Variants in ATXN10 observed in about 807,000 individuals in gnomAD.
ATXN10 encodes ataxin 10, also known as ataxin-10.
In ATXN10, 28 loss-of-function variants were observed where a neutral mutation model predicts 52.9. The observed-to-expected ratio is 0.53, with a 90% CI of 0.39 to 0.73. The LOEUF is 0.73. Among genes scored for constraint, ATXN10 ranks in the 30% least tolerant of loss-of-function variants. ATXN10 has a pLI of 0.00. For synonymous variants in ATXN10, 226 were observed against 221.5 expected (o/e 1.02, Z -0.18); for missense variants, 565 against 577.0 (o/e 0.98, Z 0.21).
chr22:45,776,608 C>T (rs1349157114), intron 9 of ATXN10, among the ~76,000 whole-genome samples: 9 of 152,042 alleles, frequency 5.9e-5, no homozygotes, highest in Non-Finnish European at 1.5e-5. Context: ...GGTTTGGAAG[C>T]CTGCATGGCT....
At chr22:45,675,177 A>G (rs1041024850) in intron 1 of ATXN10, 1 of 152,214 alleles carries the variant, frequency 6.6e-6, no homozygotes, top group African/African-American at 2.4e-5. Flanking sequence ...CTCCTGTCTT[A>G]TCAGAAACAA....
At chr22:45,723,256 C>T (rs1924732149) in intron 6 of ATXN10, among the ~76,000 whole-genome samples, 1 of 151,000 alleles carries the variant, frequency 6.6e-6, no homozygotes, top group Non-Finnish European at 1.5e-5. Flanking sequence ...ATTTCAGTAG[C>T]TTTTGGGGTA....
At chr22:45,719,677 A>G (rs1186691367) in intron 6 of ATXN10, among the ~76,000 whole-genome samples, 1 of 152,140 alleles carries the variant, frequency 6.6e-6, no homozygotes, top group African/African-American at 2.4e-5. Context: ...TAAATGGTTT[A>G]TTACATAACT....
Position 45,700,313 on chromosome 22 carries a change from C to T in ATXN10, c.423C>T (p.Asn141=). ...GCTGTGGCCTGCAGTTTTTAGGCAA[C>T]ATTGCCTCACGGAATGAAGATTCCC... ...AFRCGLQFLG[N]IASRNEDSQS... is the part of the protein sequence containing the mutation. Residue 141 remains asparagine, a synonymous_variant, in exon 4 of 12, where the codon AAC becomes AAT. Coordinates refer to ENST00000252934, the MANE Select transcript of ATXN10 (RefSeq NM_013236.4). 2 of 1,614,034 alleles carry T rather than the reference C, an allele frequency of 1.2e-6. No homozygotes were observed.
intron 3 of ATXN10, among the ~76,000 whole-genome samples, chr22:45,695,077 T>C (rs1230986467): frequency 6.6e-6 from 1 of 151,168 alleles, no homozygotes; most frequent in Non-Finnish European, 1.5e-5. Flanking sequence ...ACGCCTGTAA[T>C]CCCAGCACTT....
intron 3 of ATXN10, among the ~76,000 whole-genome samples, chr22:45,698,268 A>G (rs1320267827): frequency 6.6e-6 from 1 of 152,152 alleles, no homozygotes; most frequent in Admixed American, 6.5e-5. Context: ...ACACCATACG[A>G]ATGTTCCCAT....
chr22:45,719,051 AT>A (rs752511295), intron 6 of ATXN10, among the ~76,000 whole-genome samples: 1,948 of 138,482 alleles, frequency 0.014, 26 homozygotes, highest in African/African-American at 0.037. Context: ...GTGTGTGTGT[AT>A]TTTTTTTTTT....
rs1455758032 is a variant in ATXN10, at chr22:45,750,020, A to G, written c.1173+9482A>G. Among the ~76,000 whole-genome samples the G allele has an allele frequency of 1.3e-5, 2 of 152,250 alleles. No individual in the cohort carries two copies. Among genetic ancestry groups the G allele is most frequent in the African/African-American group, 4.8e-5 (2 of 41,464 alleles). On this transcript the variant is annotated intron_variant, in intron 9 of 11. Transcript: ENST00000252934. This position sits in a 1 kb window ranked among gnomAD's most constrained non-coding sequence, Gnocchi z 4.2. ...GATGATTCCGCAGTTTGTAAAAGTC[A>G]TGAATCCAGTTTTCCTAACTGCTAC...
In ATXN10 at chr22:45,818,940, GCTT is replaced by G. The variant is rs1201184402; in HGVS notation, c.1237+11922_1237+11924del. On this transcript the variant is annotated intron_variant, in intron 10 of 11. Transcript: ENST00000252934. This position sits in a 1 kb window ranked among gnomAD's most constrained non-coding sequence, Gnocchi z 4.6. Reference sequence around the variant, plus strand: ...CTGACCTTGGTGCACTGTGTCTCTGGCTTCTTTGCATGCCTAAAACTTGCGTAG... The same window carrying G: ...CTGACCTTGGTGCACTGTGTCTCTGGCTTTGCATGCCTAAAACTTGCGTAG... Among the ~76,000 whole-genome samples the G allele has an allele frequency of 3.3e-5, 5 of 152,126 alleles. No homozygotes were observed. The highest frequency in any genetic ancestry group is 1.2e-4 in the African/African-American group (5 of 41,412).
At chr22:45,725,888 G>T (rs1361820028) in intron 6 of ATXN10, among the ~76,000 whole-genome samples, 2 of 151,994 alleles carry the variant, frequency 1.3e-5, no homozygotes, top group Non-Finnish European at 2.9e-5. Flanking sequence ...TTTGTTGAAC[G>T]TTTTTTCTGC....
chr22:45,768,358 T>C (rs1283824252), intron 9 of ATXN10, among the ~76,000 whole-genome samples: 1 of 151,938 alleles, frequency 6.6e-6, no homozygotes, highest in African/African-American at 2.4e-5. Flanking sequence ...TGTTGTCCAT[T>C]GTCCAAAGCA....
intron 7 of ATXN10, among the ~76,000 whole-genome samples, chr22:45,731,584 G>A (rs1601611728): frequency 6.6e-6 from 1 of 152,186 alleles, no homozygotes; most frequent in African/African-American, 2.4e-5. Context: ...TGGCAAATGG[G>A]CAACACTGGA....
Position 45,728,438 on chromosome 22 carries a change from A to G in ATXN10, c.729-987A>G, listed in dbSNP as rs769805227. ...GTCTGTAGGTGATTTTTCCAGACTG[A>G]TGATATTTCCCATCATTTGGCCACA... is the stretch of plus-strand genomic sequence containing the variant. On this transcript the variant is annotated intron_variant, in intron 6 of 11. Coordinates refer to ENST00000252934, the MANE Select transcript of ATXN10 (RefSeq NM_013236.4). This position sits in a 1 kb window ranked among gnomAD's most constrained non-coding sequence, Gnocchi z 4.3. Among the ~76,000 whole-genome samples, 1 of 152,166 alleles carries G rather than the reference A, an allele frequency of 6.6e-6. No individual in the cohort carries two copies. Among genetic ancestry groups the G allele is most frequent in the Non-Finnish European group, 1.5e-5 (1 of 68,020 alleles).
intron 3 of ATXN10, among the ~76,000 whole-genome samples, chr22:45,698,257 G>A (rs1376259265): frequency 6.6e-6 from 1 of 152,102 alleles, no homozygotes; most frequent in Non-Finnish European, 1.5e-5. Context: ...ACTTTTCACC[G>A]ACACCATACG....
rs992951374 is a variant in ATXN10, at chr22:45,816,975, G to A, written c.1237+9953G>A. ...CTCAGGGAAGTGTCTTAAACACCTCGAGATGGCGCAGCTGGCTAGGCTCGG... is the reference window on the plus strand; with the variant it reads ...CTCAGGGAAGTGTCTTAAACACCTCAAGATGGCGCAGCTGGCTAGGCTCGG... On this transcript the variant is annotated intron_variant, in intron 10 of 11. Coordinates refer to ENST00000252934, the MANE Select transcript of ATXN10 (RefSeq NM_013236.4). The surrounding 1 kb of genome is among the most constrained non-coding windows in gnomAD (Gnocchi z 5.8). 6.6e-6 allele frequency among the ~76,000 whole-genome samples: 1 copy of A among 152,182 alleles called. No homozygotes were observed. The highest frequency in any genetic ancestry group is 1.5e-5 in the Non-Finnish European group (1 of 68,038).
At chr22:45,673,028 T>A (rs1238993414) in intron 1 of ATXN10, 1 of 152,272 alleles carries the variant, frequency 6.6e-6, no homozygotes, top group Non-Finnish European at 1.5e-5. Flanking sequence ...TTTTCTTGTC[T>A]ATTTAATGGG....
intron 10 of ATXN10, among the ~76,000 whole-genome samples, chr22:45,815,718 C>G (rs1393097512): frequency 6.6e-6 from 1 of 152,068 alleles, no homozygotes; most frequent in East Asian, 1.9e-4. Flanking sequence ...GTAGCTGGTC[C>G]AAGCTCTCCT....
intron 3 of ATXN10, among the ~76,000 whole-genome samples, chr22:45,695,649 G>A (rs1376718280): frequency 1.3e-5 from 2 of 151,728 alleles, no homozygotes; most frequent in African/African-American, 2.4e-5. Flanking sequence ...GCCTGCCGCC[G>A]CACTCGGCTG....
chr22:45,730,524 C>T (rs1462659481), intron 7 of ATXN10, among the ~76,000 whole-genome samples: 1 of 152,134 alleles, frequency 6.6e-6, no homozygotes, highest in Non-Finnish European at 1.5e-5. Flanking sequence ...ACCTCTGCCT[C>T]CTGGGTTCAG....
Sources: allele counts gnomAD v4.1 joint callset (sites outside exome capture counted in the v4.1 genomes callset), GRCh38; gene constraint gnomAD v4.1.1; non-coding constraint Gnocchi (gnomAD v3.1); transcripts MANE v1.5; gene names NCBI Gene and HGNC (gene_info 2026-07-23, HGNC 2026-07-21).